DSCAM: variants seen among roughly 807,000 people sequenced by gnomAD.
DSCAM encodes cell adhesion molecule DSCAM.
A neutral mutation model predicts 217.7 loss-of-function variants in DSCAM; 47 were observed. The observed-to-expected ratio is 0.22, with a 90% CI of 0.17 to 0.28. DSCAM has a LOEUF of 0.28. Among genes scored for constraint, DSCAM ranks in the 10% least tolerant of loss-of-function variants. The pLI, the probability that DSCAM is intolerant of heterozygous loss-of-function variation, is 1.00. For synonymous variants in DSCAM, 1,056 were observed against 1,015.3 expected (o/e 1.04, Z -0.76); for missense variants, 2,080 against 2,618.3 (o/e 0.79, Z 4.49).
At chr21:40,744,014 C>A (rs2146547535) in intron 1 of DSCAM, among the ~76,000 whole-genome samples, 1 of 152,190 alleles carries the variant, frequency 6.6e-6, no homozygotes, top group South Asian at 2.1e-4. Context: ...CCCACTAGGC[C>A]ATAATAACTA....
chr21:40,551,330 T>G (rs903083759), intron 3 of DSCAM, among the ~76,000 whole-genome samples: 12 of 152,184 alleles, frequency 7.9e-5, no homozygotes, highest in Non-Finnish European at 1.6e-4. Context: ...TGATTGACAA[T>G]TGGTTGGAAT....
chr21:40,463,764 T>G (rs2075823452), intron 3 of DSCAM, among the ~76,000 whole-genome samples: 1 of 152,214 alleles, frequency 6.6e-6, no homozygotes, highest in African/African-American at 2.4e-5. Context: ...CATTAACATC[T>G]GCTTCCAGCC....
intron 4 of DSCAM, among the ~76,000 whole-genome samples, chr21:40,359,917 C>T (rs537124811): frequency 1.8e-4 from 28 of 152,188 alleles, no homozygotes; most frequent in Middle Eastern, 3.4e-3. Context: ...TTGAATAAAC[C>T]GGATGGAGTT....
In DSCAM at chr21:40,144,601, G is replaced by T. The variant is rs2090332792; in HGVS notation, c.3149C>A (p.Thr1050Asn). The part of the protein sequence containing the change: ...VDTSGDSEVY[T>N]LDNLNKFTQY... ...AGTGAACTTATTCAGGTTGTCCAGG[G>T]TGTAAACCTCACTGTCCCCGCTGGT... The change falls in exon 17 of 33, where the codon ACC becomes AAC. Residue 1050 changes from threonine (T) to asparagine (N), a missense_variant. Coordinates refer to ENST00000400454, the MANE Select transcript of DSCAM (RefSeq NM_001389.5). The surrounding 1 kb of genome is among the most constrained non-coding windows in gnomAD (Gnocchi z 4.8). 6.2e-7 allele frequency: 1 copy of T among 1,614,154 alleles called. No homozygotes were observed. The highest frequency in any genetic ancestry group is 2.2e-5 in the East Asian group (1 of 44,872).
chr21:40,390,033 C>T (rs946154310), intron 3 of DSCAM, among the ~76,000 whole-genome samples: 3 of 152,164 alleles, frequency 2.0e-5, no homozygotes, highest in Admixed American at 2.0e-4. Context: ...CCCCCACCAC[C>T]CCACCCTGTC....
chr21:40,185,690 C>T (rs1301534213), intron 14 of DSCAM, among the ~76,000 whole-genome samples: 1 of 152,200 alleles, frequency 6.6e-6, no homozygotes, highest in African/African-American at 2.4e-5. Context: ...CCTGCCTCAC[C>T]TAAGAAGCAT....
intron 4 of DSCAM, among the ~76,000 whole-genome samples, chr21:40,356,369 T>C (rs925640695): frequency 2.1e-5 from 3 of 142,106 alleles, no homozygotes; most frequent in Non-Finnish European, 4.6e-5. Flanking sequence ...GCAATAGATA[T>C]GTTATTTTGC....
chr21:40,427,904 T>G (rs142421030), intron 3 of DSCAM, among the ~76,000 whole-genome samples: 177 of 152,290 alleles, frequency 1.2e-3, no homozygotes, highest in African/African-American at 4.1e-3. Context: ...AAAGCCCCAT[T>G]TTTTTAAAGG....
intron 16 of DSCAM, 123 bp downstream of exon 16, chr21:40,167,095 C>A: frequency 1.2e-6 from 1 of 825,696 alleles, no homozygotes; most frequent in Non-Finnish European, 1.9e-6. Context: ...GGGCTTTCAA[C>A]TTAATTTTGA....
At chr21:40,432,116 T>C (rs1286317522) in intron 3 of DSCAM, among the ~76,000 whole-genome samples, 1 of 152,066 alleles carries the variant, frequency 6.6e-6, no homozygotes, top group Admixed American at 6.6e-5. Flanking sequence ...GGCAGGAGAA[T>C]TGCTTGAACC....
intron 11 of DSCAM, among the ~76,000 whole-genome samples, chr21:40,257,469 A>AACACAC (rs141911963): frequency 0.048 from 6,960 of 144,720 alleles, 533 homozygotes; most frequent in African/African-American, 0.16. Flanking sequence ...GTATTTGCTG[A>AACACAC]ACACACACAC....
At chr21:40,271,285 C>T (rs1415229053) in intron 11 of DSCAM, among the ~76,000 whole-genome samples, 2 of 152,228 alleles carry the variant, frequency 1.3e-5, no homozygotes, top group African/African-American at 2.4e-5. Flanking sequence ...CCAAGAGTAA[C>T]TGACTCTCCA....
Position 40,837,598 on chromosome 21 carries a change from A to G in DSCAM, c.43+9021T>C, listed in dbSNP as rs558326182. On this transcript the variant is annotated intron_variant, in intron 1 of 32. Coordinates refer to ENST00000400454, the MANE Select transcript of DSCAM (RefSeq NM_001389.5). Reference sequence around the variant, plus strand: ...CTGCTGTCACGTTAAGGACCCGGATAGAGGTTGCTAACTTGGGCTGCCAAC... The same window carrying G: ...CTGCTGTCACGTTAAGGACCCGGATGGAGGTTGCTAACTTGGGCTGCCAAC... Among the ~76,000 whole-genome samples, 15 of 152,358 alleles carry G rather than the reference A, an allele frequency of 9.8e-5. No individual in the cohort carries two copies. In the South Asian group the frequency reaches 2.9e-3, roughly 29 times the overall value.
At chr21:40,471,920 TC>T (rs1268503832) in intron 3 of DSCAM, among the ~76,000 whole-genome samples, 1 of 152,176 alleles carries the variant, frequency 6.6e-6, no homozygotes, top group Admixed American at 6.5e-5. Flanking sequence ...ATTAGGTATA[TC>T]TCCTAATGCT....
At chr21:40,556,780 G>C (rs2183579) in intron 3 of DSCAM, among the ~76,000 whole-genome samples, 3 of 151,956 alleles carry the variant, frequency 2.0e-5, no homozygotes, top group Non-Finnish European at 4.4e-5. Context: ...CCCCCATGAC[G>C]CAATACCTCC....
intron 27 of DSCAM, among the ~76,000 whole-genome samples, chr21:40,069,085 C>CA (rs2089252203): frequency 8.4e-6 from 1 of 119,068 alleles, no homozygotes; most frequent in Non-Finnish European, 1.7e-5. Context: ...AACTCTGTCT[C>CA]AGAAAAAAAA....
chr21:40,600,235 T>C (rs1485608463), intron 3 of DSCAM, among the ~76,000 whole-genome samples: 1 of 152,196 alleles, frequency 6.6e-6, no homozygotes, highest in Non-Finnish European at 1.5e-5. Flanking sequence ...ATCAACTGGG[T>C]AATTTATGAA....
intron 3 of DSCAM, among the ~76,000 whole-genome samples, chr21:40,388,306 A>G (rs1280817806): frequency 2.0e-5 from 3 of 152,232 alleles, no homozygotes; most frequent in Non-Finnish European, 4.4e-5. Flanking sequence ...AATAATGGCA[A>G]ATATGATTGA....
intron 3 of DSCAM, among the ~76,000 whole-genome samples, chr21:40,687,879 C>G (rs2090498193): frequency 6.6e-6 from 1 of 152,134 alleles, no homozygotes. Flanking sequence ...GGGAGTGCTT[C>G]TTAAAGCCCA....
Sources: allele counts gnomAD v4.1 joint callset (sites outside exome capture counted in the v4.1 genomes callset), GRCh38; gene constraint gnomAD v4.1.1; non-coding constraint Gnocchi (gnomAD v3.1); transcripts MANE v1.5; gene names NCBI Gene and HGNC (gene_info 2026-07-23, HGNC 2026-07-21).